CDH12: variants seen among roughly 807,000 people sequenced by gnomAD.
The protein encoded by CDH12 is cadherin 12.
In CDH12, 41 loss-of-function variants were observed where a neutral mutation model predicts 74.1. That is an observed-to-expected ratio of 0.55 (90% CI 0.43 to 0.72). The LOEUF (loss-of-function observed/expected upper bound fraction) is 0.72. Among genes scored for constraint, CDH12 ranks in the 30% least tolerant of loss-of-function variants. The pLI is 0.00. For missense variants in CDH12, 945 were observed against 977.2 expected, an observed-to-expected ratio of 0.97 and a Z score of 0.44; for synonymous variants, 399 against 355.0, an observed-to-expected ratio of 1.12 and a Z score of -1.39.
chr5:22,372,794 A>G (rs936139344), intron 3 of CDH12, among the ~76,000 whole-genome samples: 1 of 152,108 alleles, frequency 6.6e-6, no homozygotes, highest in Non-Finnish European at 1.5e-5. Flanking sequence ...CAGATCCCCA[A>G]AGGACTTTGT....
At chr5:21,828,329 T>C (rs1176039170) in intron 8 of CDH12, among the ~76,000 whole-genome samples, 2 of 152,028 alleles carry the variant, frequency 1.3e-5, no homozygotes, top group South Asian at 4.1e-4. Flanking sequence ...ACCATATTGG[T>C]CAGGCTAGTC....
chr5:22,173,831 C>T (rs1749183111), intron 4 of CDH12, among the ~76,000 whole-genome samples: 1 of 151,636 alleles, frequency 6.6e-6, no homozygotes, highest in African/African-American at 2.4e-5. Context: ...TGATAAAGTA[C>T]GCTTAAAGAA....
chr5:22,489,388 C>T (rs1214763776), intron 2 of CDH12, among the ~76,000 whole-genome samples: 2 of 151,858 alleles, frequency 1.3e-5, no homozygotes, highest in Non-Finnish European at 2.9e-5. Context: ...ATGGAAAAAA[C>T]TGCAATCACT....
chr5:22,250,535 G>A (rs985607986), intron 3 of CDH12, among the ~76,000 whole-genome samples: 2 of 152,080 alleles, frequency 1.3e-5, no homozygotes, highest in African/African-American at 4.8e-5. Context: ...TGTTAGATGT[G>A]GGTCACTAAA....
At chr5:22,198,709 T>C (rs1456230787) in intron 4 of CDH12, among the ~76,000 whole-genome samples, 2 of 152,140 alleles carry the variant, frequency 1.3e-5, no homozygotes, top group African/African-American at 2.4e-5. Flanking sequence ...GAATGCATCT[T>C]ACACTTTCAT....
chr5:22,327,054 C>T (rs922710906), intron 3 of CDH12, among the ~76,000 whole-genome samples: 1 of 151,804 alleles, frequency 6.6e-6, no homozygotes, highest in Non-Finnish European at 1.5e-5. Flanking sequence ...TTTCATAGTG[C>T]TTATTTCTCA....
At chr5:22,424,265 C>A (rs1247173696) in intron 2 of CDH12, among the ~76,000 whole-genome samples, 1 of 151,856 alleles carries the variant, frequency 6.6e-6, no homozygotes, top group African/African-American at 2.4e-5. Context: ...CTTAATTTGG[C>A]CAAGGGATTA....
chr5:21,820,415 C>T (rs1203148611), intron 8 of CDH12, among the ~76,000 whole-genome samples: 1 of 151,882 alleles, frequency 6.6e-6, no homozygotes, highest in Non-Finnish European at 1.5e-5. Context: ...TACTAGCATT[C>T]CACTAACATG....
chr5:22,362,910 A>G (rs1361460951), intron 3 of CDH12, among the ~76,000 whole-genome samples: 1 of 126,242 alleles, frequency 7.9e-6, no homozygotes, highest in African/African-American at 2.9e-5. Context: ...GAAGGGGAAC[A>G]TAACACACTG....
intron 5 of CDH12, among the ~76,000 whole-genome samples, chr5:22,077,533 C>T (rs1276042698): frequency 6.6e-6 from 1 of 152,028 alleles, no homozygotes; most frequent in Non-Finnish European, 1.5e-5. Context: ...ATTTTAAACT[C>T]TCCTCAAGCA....
At chr5:21,964,284 T>G (rs1421144123) in intron 6 of CDH12, among the ~76,000 whole-genome samples, 2 of 152,076 alleles carry the variant, frequency 1.3e-5, no homozygotes, top group Non-Finnish European at 2.9e-5. Flanking sequence ...GTTTTTCCAA[T>G]AATAATGTTT....
At chr5:22,753,331 G>C (rs1745699544) in intron 1 of CDH12, among the ~76,000 whole-genome samples, 1 of 151,338 alleles carries the variant, frequency 6.6e-6, no homozygotes, top group African/African-American at 2.4e-5. Context: ...CAGCTACTCG[G>C]GAGGCTGAGG....
intron 1 of CDH12, among the ~76,000 whole-genome samples, chr5:22,556,158 G>A (rs1738794902): frequency 6.6e-6 from 1 of 151,892 alleles, no homozygotes; most frequent in African/African-American, 2.4e-5. Context: ...AGATGCAATA[G>A]ATAAAATACC....
In CDH12 at chr5:22,824,905, T is replaced by C. The variant is rs147651892; in HGVS notation, c.-523+28153A>G. Among the ~76,000 whole-genome samples the C allele has an allele frequency of 1.2e-4, 18 of 151,858 alleles. No individual in the cohort carries two copies. The East Asian group carries it at 3.5e-3, about 29-fold the overall frequency. ...TATATATATGTTTGTCCAAAATTTA[T>C]ATATCTATAGAAAGTTAAAGGATAC... On this transcript the variant is annotated intron_variant, in intron 1 of 14. Transcript: ENST00000382254.
At chr5:22,558,613 A>G (rs1185490535) in intron 1 of CDH12, among the ~76,000 whole-genome samples, 2 of 152,046 alleles carry the variant, frequency 1.3e-5, no homozygotes, top group East Asian at 1.9e-4. Flanking sequence ...AACATTTGCC[A>G]TATGAAAAAA....
At chr5:22,360,562 C>T (rs913264309) in intron 3 of CDH12, among the ~76,000 whole-genome samples, 2 of 152,126 alleles carry the variant, frequency 1.3e-5, no homozygotes, top group African/African-American at 4.8e-5. Flanking sequence ...AGAGGAAATC[C>T]TCCCTAACTC....
At chr5:22,362,877 A>G (rs1740873962) in intron 3 of CDH12, among the ~76,000 whole-genome samples, 1 of 145,858 alleles carries the variant, frequency 6.9e-6, no homozygotes, top group Non-Finnish European at 1.5e-5. Context: ...TGGGAACTGA[A>G]CAATGAGAAC....
chr5:22,262,889 A>C (rs1045520342), intron 3 of CDH12, among the ~76,000 whole-genome samples: 1 of 152,048 alleles, frequency 6.6e-6, no homozygotes, highest in Non-Finnish European at 1.5e-5. Flanking sequence ...CTACCATCAG[A>C]GTGAACAGGC....
intron 1 of CDH12, among the ~76,000 whole-genome samples, chr5:22,705,488 T>A (rs1742955326): frequency 9.6e-6 from 1 of 104,464 alleles, no homozygotes; most frequent in African/African-American, 4.1e-5. Context: ...CATTAAGAAA[T>A]CAACACACAT....
Sources: gnomAD v4.1 joint callset for allele counts (sites outside exome capture counted in the v4.1 genomes callset) on GRCh38, gnomAD v4.1.1 for gene constraint, MANE v1.5 for transcripts, NCBI Gene and HGNC (gene_info 2026-07-23, HGNC 2026-07-21) for gene names.